BCL2L11: variants seen among roughly 807,000 people sequenced by gnomAD.
The protein encoded by BCL2L11 is BCL2 like 11, also known as bcl-2-like protein 11.
In BCL2L11, 15 loss-of-function variants were observed where a neutral mutation model predicts 20.6. The ratio of observed to expected loss-of-function variants is 0.73; its 90% CI spans 0.49 to 1.12. The LOEUF is 1.12. Ranked by LOEUF, BCL2L11 falls within the 50% of genes most tolerant of loss-of-function variation. The pLI, the probability that BCL2L11 is intolerant of heterozygous loss-of-function variation, is 0.00. For synonymous variants in BCL2L11, 108 were observed against 92.8 expected, an observed-to-expected ratio of 1.16 and a Z score of -0.94; for missense variants, 292 against 260.9, an observed-to-expected ratio of 1.12 and a Z score of -0.82.
chr2:111,149,708 A>G (rs939356553), intron 2 of BCL2L11, among the ~76,000 whole-genome samples: 7 of 152,194 alleles, frequency 4.6e-5, no homozygotes, highest in Admixed American at 3.3e-4. Context: ...TGTTTCAAGC[A>G]TATTTCTTTG....
chr2:111,160,544 A>G (rs1225215340), intron 3 of BCL2L11, among the ~76,000 whole-genome samples: 1 of 152,158 alleles, frequency 6.6e-6, no homozygotes, highest in East Asian at 1.9e-4. Flanking sequence ...GACACATGGG[A>G]TGGCCACAAA....
chr2:111,150,329 G>A, intron 3 of BCL2L11, 182 bp downstream of exon 3: 4 of 1,273,150 alleles, frequency 3.1e-6, no homozygotes, highest in Non-Finnish European at 4.2e-6. Context: ...ACTAAGTAAT[G>A]GCACTTAAAT....
intron 2 of BCL2L11, among the ~76,000 whole-genome samples, chr2:111,127,514 C>CGG (rs1056190834): frequency 4.3e-4 from 63 of 146,536 alleles, no homozygotes; most frequent in African/African-American, 1.6e-3. Context: ...GCTCCCTGGG[C>CGG]GGGGAATAAT....
In BCL2L11 at chr2:111,124,293, CT is replaced by C. The variant is rs375204950; in HGVS notation, c.394+170del. Among the ~76,000 whole-genome samples, 577 of 142,664 alleles carry C rather than the reference CT, an allele frequency of 4.0e-3. 1 individual carries two copies. Among genetic ancestry groups the C allele is most frequent in the African/African-American group, 8.0e-3 (314 of 39,224 alleles). 93.6% of individuals were successfully genotyped at this position (142,664 alleles called of 152,430 possible). On this transcript the variant is annotated intron_variant, in intron 2 of 3. Transcript: ENST00000393256. ...AGGATGTGTCAAACTATCAAACCAA[CT>C]TTTTTTTTTTTTTTTGAGATGAGTC...
At chr2:111,159,690 T>C (rs1000655174) in intron 3 of BCL2L11, among the ~76,000 whole-genome samples, 2 of 152,222 alleles carry the variant, frequency 1.3e-5, no homozygotes, top group African/African-American at 4.8e-5. Context: ...ACTTAATTGG[T>C]CGTCCCAAGT....
At chr2:111,127,930 T>A (rs372757159) in intron 2 of BCL2L11, among the ~76,000 whole-genome samples, 3 of 152,162 alleles carry the variant, frequency 2.0e-5, no homozygotes, top group African/African-American at 7.2e-5. Flanking sequence ...AAATAAAATA[T>A]AAACTTGTAT....
In BCL2L11 at chr2:111,122,873, CG is replaced by C. The variant is rs1340101274; in HGVS notation, c.-13-856del. ...GGCGAAGGGCGCGGGCCGGACGCCG[CG>C]GGGCTTGGTCCCTGGCCCGGACGCT... On this transcript the variant is annotated intron_variant, in intron 1 of 3. Coordinates refer to ENST00000393256, the MANE Select transcript of BCL2L11 (RefSeq NM_138621.5). 3.0e-6 allele frequency: 3 copies of C among 985,338 alleles called. No individual in the cohort carries two copies. The African/African-American group carries it at 5.2e-5, about 17-fold the overall frequency. The allele number at this position is 985,338 out of a possible 1,614,324, so 61.0% of individuals were successfully genotyped here. A position where few individuals can be genotyped will look rare whatever the true frequency, so the allele number is the denominator to read the frequency against.
In BCL2L11 at chr2:111,157,518, A is replaced by G. The variant is rs146680324; in HGVS notation, c.499-6615A>G. On this transcript the variant is annotated intron_variant, in intron 3 of 3. Coordinates refer to ENST00000393256, the MANE Select transcript of BCL2L11 (RefSeq NM_138621.5). ...GGTGCCTCACACAGATGTCAGAACA[A>G]TCTGTCTCTTCTCTGTGGTTGGCCA... Among the ~76,000 whole-genome samples the G allele has an allele frequency of 1.7e-4, 26 of 152,108 alleles. No homozygotes were observed. In the East Asian group the frequency reaches 4.6e-3, roughly 27 times the overall value.
chr2:111,146,413 TTAGGA>T, intron 2 of BCL2L11: 2 of 264,232 alleles, frequency 7.6e-6, no homozygotes, highest in Non-Finnish European at 1.2e-5. Flanking sequence ...CTCGAGTATG[TTAGGA>T]TAGGAGGAAT....
intron 2 of BCL2L11, among the ~76,000 whole-genome samples, chr2:111,147,384 A>ACCCC (rs1559064724): frequency 2.0e-5 from 3 of 148,090 alleles, no homozygotes; most frequent in African/African-American, 7.4e-5. Flanking sequence ...ACACACACAC[A>ACCCC]CACACACCCG....
At chr2:111,152,006 T>A in intron 3 of BCL2L11, 1 of 877,148 alleles carries the variant, frequency 1.1e-6, no homozygotes, top group Non-Finnish European at 1.8e-6. Context: ...TGTGTGTGAC[T>A]GGAAGTGGCT....
At position 111,125,531 on chromosome 2, in the gene BCL2L11, C is replaced by A. The variant is rs572588242; in HGVS notation, c.394+1392C>A. On this transcript the variant is annotated intron_variant, in intron 2 of 3. Transcript: ENST00000393256. ...TACCTCATGATGAAGGCTAACTCAA[C>A]AAACCCATCAGAACAGACACTGGAA... Among the ~76,000 whole-genome samples, 3 of 152,344 alleles carry A rather than the reference C, an allele frequency of 2.0e-5. No individual in the cohort carries two copies. In the East Asian group the frequency reaches 5.8e-4, roughly 29 times the overall value.
chr2:111,150,405 A>G (rs920666849), intron 3 of BCL2L11: 2 of 537,570 alleles, frequency 3.7e-6, no homozygotes, highest in Non-Finnish European at 6.0e-6. Context: ...ATGCTAAAAA[A>G]GGGATTATTT....
rs946790287 is a variant in BCL2L11 at position 111,165,550 on chromosome 2, C to T, written c.*1319C>T. The T allele has an allele frequency of 6.6e-6, 1 of 152,152 alleles. No homozygotes were observed. Among genetic ancestry groups the T allele is most frequent in the Non-Finnish European group, 1.5e-5 (1 of 68,064 alleles). The allele number at this position is 152,152 out of a possible 1,614,324, so 9.4% of individuals were successfully genotyped here. A position where few individuals can be genotyped will look rare whatever the true frequency, so the allele number is the denominator to read the frequency against. On this transcript the variant is annotated 3_prime_UTR_variant, in exon 4 of 4. Transcript: ENST00000393256. ...CCAGGACAGTTGGATATTGTCAGGC[C>T]ACTTGTGACCCCAGCCATGTAGTGA... is the stretch of plus-strand genomic sequence containing the variant.
Position 111,152,770 on chromosome 2 carries a change from A to G in BCL2L11, c.498+2623A>G, listed in dbSNP as rs181460810. 6.7e-4 allele frequency among the ~76,000 whole-genome samples: 102 copies of G among 152,190 alleles called. 1 individual carries two copies. The highest frequency in any genetic ancestry group is 2.3e-3 in the African/African-American group (96 of 41,488). On this transcript the variant is annotated intron_variant, in intron 3 of 3. Transcript: ENST00000393256. ...GCCTGCCTCCCCTCCTCTTCTCCCAATGTCATTTCACAGTTTAATGTTTAA... is the reference window on the plus strand; with the variant it reads ...GCCTGCCTCCCCTCCTCTTCTCCCAGTGTCATTTCACAGTTTAATGTTTAA...
chr2:111,158,684 A>G (rs758728844), intron 3 of BCL2L11, among the ~76,000 whole-genome samples: 1 of 152,172 alleles, frequency 6.6e-6, no homozygotes, highest in Non-Finnish European at 1.5e-5. Context: ...TTCTATAGGT[A>G]TACCTTGTTT....
intron 2 of BCL2L11, 73 bp downstream of exon 2, chr2:111,124,212 T>TA: frequency 6.9e-7 from 1 of 1,448,188 alleles, no homozygotes; most frequent in Non-Finnish European, 9.3e-7. Context: ...GTGTGGCATT[T>TA]AAAATCCCCT....
At chr2:111,130,011 C>T (rs976116173) in intron 2 of BCL2L11, 3 of 298,558 alleles carry the variant, frequency 1.0e-5, no homozygotes, top group African/African-American at 4.7e-5. Context: ...TAGCTATTCA[C>T]CTGTTGAAGG....
chr2:111,130,278 T>A (rs766630566), intron 2 of BCL2L11: 16 of 266,652 alleles, frequency 6.0e-5, no homozygotes, highest in Non-Finnish European at 1.1e-4. Flanking sequence ...CTAATTTTTG[T>A]ATTTTTATTA....
Sources: gnomAD v4.1 joint callset for allele counts (sites outside exome capture counted in the v4.1 genomes callset) on GRCh38, gnomAD v4.1.1 for gene constraint, MANE v1.5 for transcripts, NCBI Gene and HGNC (gene_info 2026-07-23, HGNC 2026-07-21) for gene names.